The following CTNNA2 variants were observed in gnomAD, a reference collection of about 807,000 sequenced individuals.
The protein encoded by CTNNA2 is catenin alpha-2.
CTNNA2 carries 42 observed loss-of-function variants against 101.0 expected under a neutral mutation model. The observed-to-expected ratio is 0.42, with a 90% CI of 0.32 to 0.54. CTNNA2 has a LOEUF of 0.54. Ranked by LOEUF, CTNNA2 falls within the 20% of genes least tolerant of loss-of-function variation. The pLI, the probability that CTNNA2 is intolerant of heterozygous loss-of-function variation, is 0.14. For synonymous variants in CTNNA2, 450 were observed against 456.4 expected (o/e 0.99, Z 0.18); for missense variants, 871 against 1,223.1 (o/e 0.71, Z 4.29).
intron 4 of CTNNA2, among the ~76,000 whole-genome samples, chr2:79,419,016 A>T (rs2104500025): frequency 6.6e-6 from 1 of 152,194 alleles, no homozygotes; most frequent in East Asian, 1.9e-4. Flanking sequence ...GAATCTGCTG[A>T]AGCTCTCACT....
At chr2:80,429,703 C>G (rs1189719794) in intron 9 of CTNNA2, among the ~76,000 whole-genome samples, 3 of 152,292 alleles carry the variant, frequency 2.0e-5, no homozygotes, top group East Asian at 3.9e-4. Flanking sequence ...TTCTTATATA[C>G]TAGTGGAACA....
At chr2:79,677,836 G>T (rs936983564) in intron 2 of CTNNA2, among the ~76,000 whole-genome samples, 4 of 152,198 alleles carry the variant, frequency 2.6e-5, no homozygotes, top group African/African-American at 9.7e-5. Context: ...AATTTAAAAG[G>T]TGTGTTGGAT....
intron 1 of CTNNA2, among the ~76,000 whole-genome samples, chr2:79,623,557 T>A (rs1290918370): frequency 6.6e-6 from 1 of 152,174 alleles, no homozygotes; most frequent in Non-Finnish European, 1.5e-5. Context: ...GTAGAAAATC[T>A]TATCATCATC....
At chr2:79,505,955 A>T (rs956805959) in intron 5 of CTNNA2, among the ~76,000 whole-genome samples, 1 of 152,196 alleles carries the variant, frequency 6.6e-6, no homozygotes, top group Non-Finnish European at 1.5e-5. Flanking sequence ...GAATGAATCA[A>T]TGTGCCAGAG....
chr2:79,283,557 TC>T (rs1675463371), intron 2 of CTNNA2, among the ~76,000 whole-genome samples: 1 of 141,612 alleles, frequency 7.1e-6, no homozygotes, highest in East Asian at 2.1e-4. Flanking sequence ...TTGTCAAAGA[TC>T]AGATAGTTGT....
chr2:79,787,693 G>A (rs1674954712), intron 3 of CTNNA2, among the ~76,000 whole-genome samples: 1 of 151,832 alleles, frequency 6.6e-6, no homozygotes, highest in African/African-American at 2.4e-5. Context: ...ACTTTTAGAG[G>A]CCACTGCATT....
chr2:79,417,430 A>T (rs1678495951), intron 4 of CTNNA2, among the ~76,000 whole-genome samples: 1 of 152,314 alleles, frequency 6.6e-6, no homozygotes, highest in Admixed American at 6.5e-5. Context: ...TTGAGACAAT[A>T]TAAGAAAGGA....
At chr2:80,593,535 G>A (rs145836998) in intron 15 of CTNNA2, among the ~76,000 whole-genome samples, 6 of 152,114 alleles carry the variant, frequency 3.9e-5, no homozygotes, top group African/African-American at 1.4e-4. Flanking sequence ...TCAATCCTTT[G>A]TAAGTGTACA....
At chr2:79,878,147 TA>T (rs2104094056) in intron 6 of CTNNA2, among the ~76,000 whole-genome samples, 1 of 152,290 alleles carries the variant, frequency 6.6e-6, no homozygotes, top group Non-Finnish European at 1.5e-5. Context: ...GACATGATAT[TA>T]TTCCTTCTTA....
chr2:79,244,843 C>CCT (rs1408346795), intron 2 of CTNNA2, among the ~76,000 whole-genome samples: 3 of 151,990 alleles, frequency 2.0e-5, no homozygotes, highest in African/African-American at 7.3e-5. Flanking sequence ...ACCTGTAATC[C>CCT]CAGCACTTTG....
At chr2:79,804,264 C>T (rs1676389458) in intron 3 of CTNNA2, among the ~76,000 whole-genome samples, 3 of 151,946 alleles carry the variant, frequency 2.0e-5, no homozygotes. Flanking sequence ...TTAAAAATTC[C>T]TAAAATAGTA....
At chr2:80,183,476 AT>A (rs774937103) in intron 7 of CTNNA2, among the ~76,000 whole-genome samples, 4 of 152,220 alleles carry the variant, frequency 2.6e-5, no homozygotes, top group Admixed American at 6.5e-5. Context: ...TTTTCCTAAT[AT>A]TCCTCTTTGA....
intron 15 of CTNNA2, among the ~76,000 whole-genome samples, chr2:80,594,978 C>T (rs1304401122): frequency 1.3e-5 from 2 of 151,928 alleles, no homozygotes; most frequent in African/African-American, 4.8e-5. Flanking sequence ...ATTGCTTTGG[C>T]TATTTGTGTT....
intron 4 of CTNNA2, among the ~76,000 whole-genome samples, chr2:79,501,248 G>A (rs113382294): frequency 0.027 from 4,054 of 152,214 alleles, 158 homozygotes; most frequent in African/African-American, 0.092. Flanking sequence ...CAAATTATCT[G>A]TTGTGGCTTT....
At chr2:80,594,797 A>C (rs1439309033) in intron 15 of CTNNA2, among the ~76,000 whole-genome samples, 1 of 151,652 alleles carries the variant, frequency 6.6e-6, no homozygotes, top group Non-Finnish European at 1.5e-5. Context: ...AAATCTTAGT[A>C]CCTTTGTGGA....
chr2:80,498,452 C>T (rs140287446), intron 9 of CTNNA2, among the ~76,000 whole-genome samples: 30 of 152,298 alleles, frequency 2.0e-4, no homozygotes, highest in African/African-American at 6.5e-4. Context: ...CAAAGAATAC[C>T]TTGATCTTGA....
chr2:80,585,728 T>G (rs1695920310), intron 14 of CTNNA2, among the ~76,000 whole-genome samples: 1 of 152,218 alleles, frequency 6.6e-6, no homozygotes, highest in Non-Finnish European at 1.5e-5. Context: ...ACTCATGTGT[T>G]GAATTCTAAT....
At chr2:79,541,736 C>T (rs1573295548) in intron 1 of CTNNA2, among the ~76,000 whole-genome samples, 2 of 113,958 alleles carry the variant, frequency 1.8e-5, no homozygotes, top group East Asian at 5.2e-4. Flanking sequence ...AAGCAATTCT[C>T]CTGCCTCAGT....
At chr2:80,533,597 G>A (rs569376521) in intron 9 of CTNNA2, among the ~76,000 whole-genome samples, 9 of 152,242 alleles carry the variant, frequency 5.9e-5, no homozygotes, top group Admixed American at 6.5e-5. Flanking sequence ...GTCAAGCACC[G>A]GATGGTTCAG....
Sources: allele counts gnomAD v4.1 joint callset (sites outside exome capture counted in the v4.1 genomes callset), GRCh38; gene constraint gnomAD v4.1.1; transcripts MANE v1.5; gene names NCBI Gene and HGNC (gene_info 2026-07-23, HGNC 2026-07-21).